The following LINGO2 variants were observed in gnomAD, a reference collection of about 807,000 sequenced individuals.
LINGO2 encodes the protein leucine rich repeat and Ig domain containing 2, also known as leucine-rich repeat and immunoglobulin-like domain-containing nogo receptor-interacting protein 2.
Under a neutral mutation model 30.6 loss-of-function variants are expected in LINGO2, and 14 were observed. The ratio of observed to expected loss-of-function variants is 0.46; its 90% confidence interval spans 0.30 to 0.72. The LOEUF is 0.72. Among genes scored for constraint, LINGO2 ranks in the 30% least tolerant of loss-of-function variants. The pLI is 0.07. For missense variants in LINGO2, 729 were observed against 751.7 expected, an observed-to-expected ratio of 0.97 and a Z score of 0.35; for synonymous variants, 317 against 288.5, an observed-to-expected ratio of 1.10 and a Z score of -1.00.
intron 5 of LINGO2, among the ~76,000 whole-genome samples, chr9:28,009,683 G>A (rs967678343): frequency 1.3e-5 from 2 of 152,184 alleles, no homozygotes; most frequent in African/African-American, 2.4e-5. Flanking sequence ...ACATCTGCTA[G>A]ATGGTTACAA....
the LINGO2 span, among the ~76,000 whole-genome samples, chr9:28,893,723 AT>A: frequency 1.5e-5 from 1 of 66,544 alleles, no homozygotes; most frequent in Non-Finnish European, 3.4e-5. Flanking sequence ...CAAATAAGTT[AT>A]TCACACTTTT....
At chr9:28,883,514 C>T in the LINGO2 span, among the ~76,000 whole-genome samples, 1 of 151,356 alleles carries the variant, frequency 6.6e-6, no homozygotes, top group Non-Finnish European at 1.5e-5. Flanking sequence ...TTCCCCCACT[C>T]AAACCATAAT....
the LINGO2 span, among the ~76,000 whole-genome samples, chr9:28,783,074 A>T: frequency 6.6e-6 from 1 of 152,248 alleles, no homozygotes; most frequent in Admixed American, 6.5e-5. Flanking sequence ...AGCAACTGGC[A>T]TATATTCAGT....
At chr9:28,016,405 C>T (rs894823853) in intron 4 of LINGO2, among the ~76,000 whole-genome samples, 1 of 152,058 alleles carries the variant, frequency 6.6e-6, no homozygotes, top group Non-Finnish European at 1.5e-5. Context: ...GAAAGTCTGA[C>T]TTCTGAAATG....
the LINGO2 span, among the ~76,000 whole-genome samples, chr9:28,837,899 A>C: frequency 6.6e-6 from 1 of 151,598 alleles, no homozygotes; most frequent in Non-Finnish European, 1.5e-5. Context: ...TTTCCAGAAA[A>C]AGTAGATTTA....
At chr9:28,883,628 G>GTGTGTATGTATGTA in the LINGO2 span, among the ~76,000 whole-genome samples, 10 of 64,178 alleles carry the variant, frequency 1.6e-4, 1 homozygote, top group Admixed American at 7.9e-4. Context: ...ATGTGTGTGT[G>GTGTGTATGTATGTA]TATATATATA....
chr9:27,945,162 G>C (rs577270561), downstream of LINGO2, among the ~76,000 whole-genome samples: 1 of 152,206 alleles, frequency 6.6e-6, no homozygotes, highest in Non-Finnish European at 1.5e-5. Flanking sequence ...GAGATGAAGA[G>C]AGACCCTGGA....
chr9:28,548,477 G>A (rs1445996243), intron 1 of LINGO2, among the ~76,000 whole-genome samples: 1 of 151,844 alleles, frequency 6.6e-6, no homozygotes, highest in East Asian at 1.9e-4. Flanking sequence ...AGGCCGAGAC[G>A]GGTGGTTCAC....
At chr9:28,417,896 T>C (rs1362918261) in intron 2 of LINGO2, among the ~76,000 whole-genome samples, 1 of 152,142 alleles carries the variant, frequency 6.6e-6, no homozygotes, top group Non-Finnish European at 1.5e-5. Context: ...TCTGAATGGA[T>C]TTTTATGAGT....
chr9:28,177,038 G>A lies in LINGO2; in HGVS notation c.-87+118170C>T, dbSNP rs534191940. Among the ~76,000 whole-genome samples the A allele has an allele frequency of 5.3e-5, 8 of 152,284 alleles. No homozygotes were observed. The South Asian group carries it at 8.3e-4, about 16-fold the overall frequency. On this transcript the variant is annotated intron_variant, in intron 4 of 5. Coordinates refer to ENST00000379992, the Ensembl canonical transcript of LINGO2. ...ATTTGATTGCGATAGCATTTACCAA[G>A]TCTTAGGAATCCCTGAAAATTTAGG...
At chr9:28,410,340 T>C (rs1184990693) in intron 2 of LINGO2, among the ~76,000 whole-genome samples, 2 of 152,144 alleles carry the variant, frequency 1.3e-5, no homozygotes, top group Non-Finnish European at 2.9e-5. Context: ...GTTTACTTTA[T>C]GTGGGTTTTC....
the LINGO2 span, among the ~76,000 whole-genome samples, chr9:28,693,366 G>C: frequency 1.3e-5 from 2 of 152,052 alleles, no homozygotes; most frequent in African/African-American, 4.8e-5. Context: ...CATTCATTCA[G>C]TGATTTAATC....
chr9:28,961,191 C>T, the LINGO2 span, among the ~76,000 whole-genome samples: 2 of 152,126 alleles, frequency 1.3e-5, no homozygotes, highest in African/African-American at 2.4e-5. Context: ...GTCATACTAT[C>T]GCCGGCAAGA....
chr9:29,081,694 A>G, the LINGO2 span, among the ~76,000 whole-genome samples: 2 of 152,102 alleles, frequency 1.3e-5, no homozygotes, highest in Non-Finnish European at 2.9e-5. Flanking sequence ...CATCGTCTCA[A>G]CTCAAAATCT....
chr9:28,618,653 C>T lies in LINGO2; in HGVS notation c.-365+51547G>A, dbSNP rs570584239. ...TTTCTATAACATTCTCCTTCTTACC[C>T]ATTATGATCTAGCTCCTTTAGTTCT... On this transcript the variant is annotated intron_variant, in intron 1 of 5. Transcript: ENST00000379992. 2.0e-5 allele frequency among the ~76,000 whole-genome samples: 3 copies of T among 152,270 alleles called. No individual in the cohort carries two copies. In the South Asian group the frequency reaches 6.2e-4, roughly 32 times the overall value.
the LINGO2 span, among the ~76,000 whole-genome samples, chr9:29,109,495 T>C: frequency 1.3e-5 from 2 of 152,160 alleles, no homozygotes; most frequent in African/African-American, 2.4e-5. Context: ...GAATTACCTA[T>C]ATATAAGGAG....
At chr9:28,395,055 A>T (rs1435062735) in intron 2 of LINGO2, among the ~76,000 whole-genome samples, 3 of 152,208 alleles carry the variant, frequency 2.0e-5, no homozygotes, top group Non-Finnish European at 4.4e-5. Flanking sequence ...TGAGAAAAAA[A>T]CTTAGACATT....
chr9:28,182,545 A>G (rs577198729), intron 4 of LINGO2, among the ~76,000 whole-genome samples: 1 of 152,348 alleles, frequency 6.6e-6, no homozygotes, highest in East Asian at 1.9e-4. Context: ...GAATGGGAGA[A>G]TATTTTTGCA....
chr9:27,942,751 T>C, the LINGO2 span: 1 of 152,310 alleles, frequency 6.6e-6, no homozygotes, highest in South Asian at 2.1e-4. Flanking sequence ...GCTTATCAAC[T>C]TTTAAAACGG....
Sources: allele counts gnomAD v4.1 joint callset (sites outside exome capture counted in the v4.1 genomes callset), GRCh38; gene constraint gnomAD v4.1.1; transcripts MANE v1.5; gene names NCBI Gene and HGNC (gene_info 2026-07-23, HGNC 2026-07-21).